Variants in VPS13B observed in about 807,000 individuals in gnomAD.
The protein encoded by VPS13B is vacuolar protein sorting 13 homolog B, also known as intermembrane lipid transfer protein VPS13B.
VPS13B carries 285 observed loss-of-function variants against 426.4 expected under a neutral mutation model. The observed-to-expected ratio is 0.67, with a 90% CI of 0.61 to 0.74. VPS13B has a LOEUF of 0.74. Among genes scored for constraint, VPS13B ranks in the 30% least tolerant of loss-of-function variants. The pLI is 0.00. For synonymous variants in VPS13B, 1,676 were observed against 1,676.4 expected, an observed-to-expected ratio of 1.00 and a Z score of 0.01; for missense variants, 4,537 against 4,782.6, an observed-to-expected ratio of 0.95 and a Z score of 1.51.
At position 99,143,185 on chromosome 8, in the gene VPS13B, T is replaced by G; in HGVS notation, c.1843+20T>G. 1 of 1,613,674 alleles carries G rather than the reference T, an allele frequency of 6.2e-7. No homozygotes were observed. The highest frequency in any genetic ancestry group is 8.5e-7 in the Non-Finnish European group (1 of 1,179,708). On this transcript the variant is annotated intron_variant, in intron 13 of 61. Coordinates refer to ENST00000357162, the MANE Select transcript of VPS13B (RefSeq NM_152564.5). ...AATCAGGTTTGTTTCTGGATTAATT[T>G]TGAATCTTTTGCCATTTGTTTTGAG...
chr8:99,159,191 A>G (rs1456331704), intron 15 of VPS13B, among the ~76,000 whole-genome samples: 1 of 152,220 alleles, frequency 6.6e-6, no homozygotes, highest in Non-Finnish European at 1.5e-5. Flanking sequence ...GTCTGAAGAT[A>G]TGACTGAATT....
chr8:99,208,712 CTTA>C (rs1814888899), intron 17 of VPS13B, among the ~76,000 whole-genome samples: 1 of 152,080 alleles, frequency 6.6e-6, no homozygotes, highest in Non-Finnish European at 1.5e-5. Context: ...TGATAAAAGT[CTTA>C]TTATCATAGA....
At chr8:99,395,850 C>T (rs984450678) in intron 21 of VPS13B, among the ~76,000 whole-genome samples, 1 of 151,806 alleles carries the variant, frequency 6.6e-6, no homozygotes, top group East Asian at 1.9e-4. Flanking sequence ...GTCATAACTA[C>T]GTTGAGGTAT....
intron 20 of VPS13B, among the ~76,000 whole-genome samples, chr8:99,386,151 A>G (rs963600119): frequency 6.6e-5 from 10 of 152,184 alleles, no homozygotes; most frequent in African/African-American, 2.4e-4. Flanking sequence ...TTATTCTCTA[A>G]GTAATACAGT....
chr8:99,875,507 C>A lies in VPS13B; in HGVS notation c.11835C>A (p.Ser3945Arg). The change falls in exon 62 of 62, where the codon AGC becomes AGA. Residue 3945 changes from serine to arginine, a missense_variant. Ser to Arg is a moderately radical substitution (Grantham distance 110, BLOSUM62 -1). Transcript: ENST00000357162. ...AGACATCTTGTCACCTGGCCCCCAG[C>A]TGTTCTTCCATGCAAATACCATGCC... is the stretch of plus-strand genomic sequence containing the variant. Reference protein sequence around the residue: ...ITKTSCHLAPSCSSMQIPCPV... With the variant: ...ITKTSCHLAPRCSSMQIPCPV... The A allele has an allele frequency of 6.2e-7, 1 of 1,614,132 alleles. No homozygotes were observed. The highest frequency in any genetic ancestry group is 8.5e-7 in the Non-Finnish European group (1 of 1,180,028).
intron 23 of VPS13B, among the ~76,000 whole-genome samples, chr8:99,463,195 C>A (rs552843963): frequency 6.6e-6 from 1 of 152,264 alleles, no homozygotes; most frequent in African/African-American, 2.4e-5. Flanking sequence ...TCTTTTCAGT[C>A]CCTTCTTCTT....
chr8:99,816,142 G>T lies in VPS13B; in HGVS notation c.8098-1398G>T, dbSNP rs188330187. Among the ~76,000 whole-genome samples the T allele has an allele frequency of 3.0e-4, 44 of 148,460 alleles. 1 individual carries two copies. In the Middle Eastern group the frequency reaches 0.028, roughly 95 times the overall value. On this transcript the variant is annotated intron_variant, in intron 44 of 61. Transcript: ENST00000357162. ...TTTTAGACGGAGTTTTACTCTTGTTGCCCAGGCTGGAGTGCAATGGTGTGA... is the reference window on the plus strand; with the variant it reads ...TTTTAGACGGAGTTTTACTCTTGTTTCCCAGGCTGGAGTGCAATGGTGTGA...
intron 19 of VPS13B, among the ~76,000 whole-genome samples, chr8:99,328,244 G>T (rs922027801): frequency 2.0e-5 from 3 of 152,094 alleles, no homozygotes; most frequent in African/African-American, 7.2e-5. Context: ...TGAAACAATC[G>T]CCATCCCTGA....
intron 25 of VPS13B, among the ~76,000 whole-genome samples, chr8:99,489,488 T>C (rs578041756): frequency 6.6e-6 from 1 of 152,262 alleles, no homozygotes; most frequent in South Asian, 2.1e-4. Flanking sequence ...ACAAATTACC[T>C]TGGGCAGTAT....
At chr8:99,352,907 C>CAAAAATTGTATGCA (rs1259596787) in intron 19 of VPS13B, among the ~76,000 whole-genome samples, 6 of 152,094 alleles carry the variant, frequency 3.9e-5, no homozygotes, top group Middle Eastern at 3.4e-3. Flanking sequence ...GCAATAATAG[C>CAAAAATTGTATGCA]ATAGTTTGAT....
intron 33 of VPS13B, among the ~76,000 whole-genome samples, chr8:99,600,442 A>G (rs1345865966): frequency 1.3e-5 from 2 of 152,136 alleles, no homozygotes; most frequent in South Asian, 2.1e-4. Flanking sequence ...TTAAGCAAAA[A>G]TGAGGCTTTA....
chr8:99,233,739 C>G, intron 17 of VPS13B: 1 of 781,382 alleles, frequency 1.3e-6, no homozygotes, highest in South Asian at 1.3e-5. Context: ...GTCCCTGTTT[C>G]ATGTTCATTT....
chr8:99,239,774 T>C (rs1354526564), intron 17 of VPS13B, among the ~76,000 whole-genome samples: 1 of 152,092 alleles, frequency 6.6e-6, no homozygotes, highest in African/African-American at 2.4e-5. Flanking sequence ...AATGAAGGTG[T>C]CCAGGTTGAA....
intron 3 of VPS13B, among the ~76,000 whole-genome samples, chr8:99,054,001 GC>G (rs1843703684): frequency 6.6e-6 from 1 of 152,216 alleles, no homozygotes; most frequent in African/African-American, 2.4e-5. Context: ...ACCACGCCCA[GC>G]CCAGGGTTTC....
intron 19 of VPS13B, among the ~76,000 whole-genome samples, chr8:99,383,407 A>G (rs1813938129): frequency 1.3e-5 from 2 of 152,184 alleles, no homozygotes; most frequent in African/African-American, 4.8e-5. Context: ...TTCAGGGCCA[A>G]TATAAAAATT....
At chr8:99,636,927 A>C (rs915029814) in intron 33 of VPS13B, among the ~76,000 whole-genome samples, 8 of 152,074 alleles carry the variant, frequency 5.3e-5, no homozygotes, top group African/African-American at 1.4e-4. Flanking sequence ...AATCATGATC[A>C]TGTTAATGCA....
intron 3 of VPS13B, among the ~76,000 whole-genome samples, chr8:99,076,007 CT>C (rs1845100762): frequency 1.3e-5 from 2 of 152,112 alleles, no homozygotes; most frequent in South Asian, 4.1e-4. Context: ...TTGCTATAAA[CT>C]TTCCTCTTAG....
intron 58 of VPS13B, 144 bp downstream of exon 58, chr8:99,862,090 G>T: frequency 1.0e-6 from 1 of 985,190 alleles, no homozygotes; most frequent in South Asian, 1.7e-5. Flanking sequence ...GAGTTCTACA[G>T]TGCGTCCCGC....
intron 35 of VPS13B, among the ~76,000 whole-genome samples, chr8:99,683,601 A>G (rs1031858116): frequency 1.3e-5 from 2 of 152,064 alleles, no homozygotes; most frequent in African/African-American, 4.8e-5. Flanking sequence ...TGTTCCTTTT[A>G]TTTGGATATG....
Sources: gnomAD v4.1 joint callset for allele counts (sites outside exome capture counted in the v4.1 genomes callset) on GRCh38, gnomAD v4.1.1 for gene constraint, MANE v1.5 for transcripts, NCBI Gene and HGNC (gene_info 2026-07-23, HGNC 2026-07-21) for gene names.